Variants in POFUT2 observed in about 807,000 individuals in gnomAD.
POFUT2 encodes the protein protein O-fucosyltransferase 2.
POFUT2 carries 30 observed loss-of-function variants against 55.0 expected under a neutral mutation model. The ratio of observed to expected loss-of-function variants is 0.55; its 90% CI spans 0.41 to 0.74. The LOEUF (loss-of-function observed/expected upper bound fraction) is 0.74. Among genes scored for constraint, POFUT2 ranks in the 30% least tolerant of loss-of-function variants. POFUT2 has a pLI of 0.00. For missense variants in POFUT2, 524 were observed against 562.6 expected, an observed-to-expected ratio of 0.93 and a Z score of 0.69; for synonymous variants, 267 against 231.1, an observed-to-expected ratio of 1.16 and a Z score of -1.41.
rs542209930 is a variant in POFUT2 at position 45,267,770 on chromosome 21, G to A, written c.1013-57C>T. 44 of 1,499,208 alleles carry A rather than the reference G, an allele frequency of 2.9e-5. No homozygotes were observed. Among genetic ancestry groups the A allele is most frequent in the Middle Eastern group, 1.7e-4 (1 of 5,738 alleles). 92.9% of individuals were successfully genotyped at this position (1,499,208 alleles called of 1,614,324 possible). A position where few individuals can be genotyped will look rare whatever the true frequency, so the allele number is the denominator to read the frequency against. ...GGGATCCTCCAGTAAGGACAGATAC[G>A]TGACTCTTTAGCAGACAGACATGCG... is the stretch of plus-strand genomic sequence containing the variant. On this transcript the variant is annotated intron_variant, in intron 7 of 8. Coordinates refer to ENST00000349485, the MANE Select transcript of POFUT2 (RefSeq NM_133635.6). The surrounding 1 kb of genome is among the most constrained non-coding windows in gnomAD (Gnocchi z 4.4).
Position 45,278,115 on chromosome 21 carries a change from T to C in POFUT2, c.693A>G (p.Lys231=). 1 of 1,613,492 alleles carries C rather than the reference T, an allele frequency of 6.2e-7. No homozygotes were observed. The highest frequency in any genetic ancestry group is 8.5e-7 in the Non-Finnish European group (1 of 1,179,364). The change falls in exon 5 of 9, where the codon AAA becomes AAG. Residue 231 remains lysine (K), a synonymous_variant. Coordinates refer to ENST00000349485, the MANE Select transcript of POFUT2 (RefSeq NM_133635.6). ...AGGAAACACTCACATCCCAGTATTC[T>C]TTCCCTCCATAGTGGTCGTGAAGTA... The part of the protein sequence containing the change: ...ENLLHDHYGG[K]EYWDTRRSMV...
chr21:45,284,452 C>T lies in POFUT2; in HGVS notation c.383-925G>A, dbSNP rs1329151151. Among the ~76,000 whole-genome samples the T allele has an allele frequency of 2.6e-5, 4 of 152,182 alleles. No individual in the cohort carries two copies. The highest frequency in any genetic ancestry group is 2.0e-4 in the Admixed American group (3 of 15,288). ...CGTGTGCAGTCTCTTGGCAGCCTCG[C>T]CCTAGGACAGGCACCCAGTTCCTTC... On this transcript the variant is annotated intron_variant, in intron 2 of 8. Transcript: ENST00000349485. The surrounding 1 kb of genome is among the most constrained non-coding windows in gnomAD (Gnocchi z 5.8).
At chr21:45,280,289 TTTTC>T (rs989953734) in intron 4 of POFUT2, among the ~76,000 whole-genome samples, 16 of 152,154 alleles carry the variant, frequency 1.1e-4, no homozygotes, top group Non-Finnish European at 2.2e-4. Flanking sequence ...ACATTTATCT[TTTTC>T]TTTTTTTTTA....
Position 45,285,101 on chromosome 21 carries a change from T to A in POFUT2, c.382+577A>T, listed in dbSNP as rs939519494. On this transcript the variant is annotated intron_variant, in intron 2 of 8. Coordinates refer to ENST00000349485, the MANE Select transcript of POFUT2 (RefSeq NM_133635.6). The surrounding 1 kb of genome is among the most constrained non-coding windows in gnomAD (Gnocchi z 4.9). ...AGGAGCCTGACTCAAAACTAACTCA[T>A]TCGTCTTCAAGGCCTCTCAAGTGCA... Among the ~76,000 whole-genome samples the A allele has an allele frequency of 3.3e-5, 5 of 152,176 alleles. No homozygotes were observed. Among genetic ancestry groups the A allele is most frequent in the Non-Finnish European group, 4.4e-5 (3 of 68,030 alleles).
chr21:45,265,901 T>C lies in POFUT2; in HGVS notation c.1137-266A>G. 2 of 1,322,062 alleles carry C rather than the reference T, an allele frequency of 1.5e-6. No homozygotes were observed. The highest frequency in any genetic ancestry group is 9.7e-7 in the Non-Finnish European group (1 of 1,027,072). 81.9% of individuals were successfully genotyped at this position (1,322,062 alleles called of 1,614,324 possible). On this transcript the variant is annotated intron_variant, in intron 8 of 8. Coordinates refer to ENST00000349485, the MANE Select transcript of POFUT2 (RefSeq NM_133635.6). This position sits in a 1 kb window ranked among gnomAD's most constrained non-coding sequence, Gnocchi z 4.6. ...ACAGTCAGCAGCCGCCACGCTCCTG[T>C]CCCACCGCATGTCCCCCTGGGAGCC...
Position 45,277,188 on chromosome 21 carries a change from C to T in POFUT2, c.706-46G>A, listed in dbSNP as rs1427263302. ...CGGCTGAGAACACGCCCGCCCGCCA[C>T]GCAGCCCTCCCGGAGCGGGTTCTCC... On this transcript the variant is annotated intron_variant, in intron 5 of 8. Coordinates refer to ENST00000349485, the MANE Select transcript of POFUT2 (RefSeq NM_133635.6). The surrounding 1 kb of genome is among the most constrained non-coding windows in gnomAD (Gnocchi z 6.9). The T allele has an allele frequency of 1.2e-5, 19 of 1,595,792 alleles. No homozygotes were observed. Among genetic ancestry groups the T allele is most frequent in the South Asian group, 3.3e-5 (3 of 90,340 alleles).
chr21:45,273,382 C>T (rs2093235664), intron 6 of POFUT2, among the ~76,000 whole-genome samples: 1 of 152,064 alleles, frequency 6.6e-6, no homozygotes. Context: ...GAGATTGAGA[C>T]AGTAATTTAA....
In POFUT2 at chr21:45,287,774, G is replaced by C; in HGVS notation, c.98C>G (p.Ala33Gly). 1 of 1,504,048 alleles carries C rather than the reference G, an allele frequency of 6.6e-7. No homozygotes were observed. Among genetic ancestry groups the C allele is most frequent in the South Asian group, 1.3e-5 (1 of 79,900 alleles). The allele number at this position is 1,504,048 out of a possible 1,614,324, so 93.2% of individuals were successfully genotyped here. The change falls in exon 1 of 9, where the codon GCC (alanine) becomes GGC (glycine). Residue 33 changes from alanine (A) to glycine (G), a missense_variant. By Grantham distance (60) the Ala-to-Gly change is moderately conservative (BLOSUM62 0). Coordinates refer to ENST00000349485, the MANE Select transcript of POFUT2 (RefSeq NM_133635.6). ...GGAAGCCGCCCCCGACAGAATATCGGCCGCCGATTGTCCGGGCCAGAACTC... is the reference window on the plus strand; with the variant it reads ...GGAAGCCGCCCCCGACAGAATATCGCCCGCCGATTGTCCGGGCCAGAACTC... ...GQEFWPGQSA[A>G]DILSGAASRR...
chr21:45,266,368 A>C, intron 8 of POFUT2: 1 of 1,271,418 alleles, frequency 7.9e-7, no homozygotes, highest in Admixed American at 2.3e-5. Context: ...GACCCTCACC[A>C]CCCCACACAC....
In POFUT2 at chr21:45,265,360, C is replaced by T. The variant is rs1301752454; in HGVS notation, c.*122G>A. The T allele has an allele frequency of 1.0e-5, 9 of 863,390 alleles. No individual in the cohort carries two copies. Among genetic ancestry groups the T allele is most frequent in the Non-Finnish European group, 1.2e-5 (7 of 563,172 alleles). The allele number at this position is 863,390 out of a possible 1,614,324, so 53.5% of individuals were successfully genotyped here. On this transcript the variant is annotated 3_prime_UTR_variant, in exon 9 of 9. Coordinates refer to ENST00000349485, the MANE Select transcript of POFUT2 (RefSeq NM_133635.6). The surrounding 1 kb of genome is among the most constrained non-coding windows in gnomAD (Gnocchi z 4.6). ...CGTGGGGCCTCTTCTGGGCCTGGGA[C>T]CCTGCGAGGGACGGTCCTGTCCGCC...
chr21:45,269,751 TC>T, intron 7 of POFUT2, 87 bp downstream of exon 7: 2 of 1,288,776 alleles, frequency 1.6e-6, no homozygotes, highest in Non-Finnish European at 1.1e-6. Context: ...CCTGCCAAAA[TC>T]CCCGTCTGTG....
rs1232289680 is a variant in POFUT2, at chr21:45,282,921, C to T, written c.527+462G>A. 1 of 473,758 alleles carries T rather than the reference C, an allele frequency of 2.1e-6. No homozygotes were observed. The highest frequency in any genetic ancestry group is 1.5e-5 in the South Asian group (1 of 64,598). 29.3% of individuals were successfully genotyped at this position (473,758 alleles called of 1,614,324 possible). A position where few individuals can be genotyped will look rare whatever the true frequency, so the allele number is the denominator to read the frequency against. ...CTTTAATGGCAATCGACACTTGGGA[C>T]TGACAAGACCTCCATCCCTGTGGCA... On this transcript the variant is annotated intron_variant, in intron 3 of 8. Transcript: ENST00000349485. This position sits in a 1 kb window ranked among gnomAD's most constrained non-coding sequence, Gnocchi z 4.6.
chr21:45,264,211 C>G lies in POFUT2; in HGVS notation c.*1271G>C, dbSNP rs1168040608. On this transcript the variant is annotated 3_prime_UTR_variant, in exon 9 of 9. Transcript: ENST00000349485. ...GCTCCGAAAGGAAGAGCTGTCTGTCCCTCCTAACTGTCCTCTCTCTGTCAC... is the reference window on the plus strand; with the variant it reads ...GCTCCGAAAGGAAGAGCTGTCTGTCGCTCCTAACTGTCCTCTCTCTGTCAC... The G allele has an allele frequency of 8.5e-6, 1 of 117,040 alleles. No individual in the cohort carries two copies. The highest frequency in any genetic ancestry group is 1.7e-5 in the Non-Finnish European group (1 of 58,930). The allele number at this position is 117,040 out of a possible 1,614,324, so 7.3% of individuals were successfully genotyped here.
In POFUT2 at chr21:45,265,619, A is replaced by C. The variant is rs766870946; in HGVS notation, c.1153T>G (p.Ser385Ala). ...ATCCGAAAAGAAAATGTTGAGACTG[A>C]GGTGCCAATAAAAAACCTGCAAAGG... ...CAHARFFIGT[S>A]VSTFSFRIHE... is the part of the protein sequence containing the mutation. Residue 385 changes from serine (S) to alanine (A), a missense_variant, in exon 9 of 9, where the codon TCA becomes GCA. By Grantham distance (99) the Ser-to-Ala change is moderately conservative. Around this residue, in one of 2 missense-constraint regions of POFUT2, gnomAD observed 250 missense variants for 318.2 expected, o/e 0.79. Coordinates refer to ENST00000349485, the MANE Select transcript of POFUT2 (RefSeq NM_133635.6). The surrounding 1 kb of genome is among the most constrained non-coding windows in gnomAD (Gnocchi z 4.6). 3.7e-6 allele frequency: 6 copies of C among 1,613,038 alleles called. No homozygotes were observed. Among genetic ancestry groups the C allele is most frequent in the Non-Finnish European group, 5.1e-6 (6 of 1,179,604 alleles).
rs760615334 is a variant in POFUT2 at position 45,278,092 on chromosome 21, G to GA, written c.705+10dup. On this transcript the variant is annotated intron_variant, in intron 5 of 8. Transcript: ENST00000349485. ...ACTAACTGAGAAAAACGCTCCCGAG[G>GA]AAACACTCACATCCCAGTATTCTTT... 13 of 1,610,290 alleles carry GA rather than the reference G, an allele frequency of 8.1e-6. No homozygotes were observed. The highest frequency in any genetic ancestry group is 1.1e-5 in the Non-Finnish European group (13 of 1,176,622).
chr21:45,277,778 A>G lies in POFUT2; in HGVS notation c.705+325T>C, dbSNP rs951630918. 3 of 384,522 alleles carry G rather than the reference A, an allele frequency of 7.8e-6. No individual in the cohort carries two copies. The highest frequency in any genetic ancestry group is 1.4e-5 in the Non-Finnish European group (3 of 210,224). 23.8% of individuals were successfully genotyped at this position (384,522 alleles called of 1,614,324 possible). A position where few individuals can be genotyped will look rare whatever the true frequency, so the allele number is the denominator to read the frequency against. ...GAATAGTCCCACCTTTCAAAGCTAA[A>G]GAGAGGAGAAAGGAGGGGTCTACGT... is the stretch of plus-strand genomic sequence containing the variant. On this transcript the variant is annotated intron_variant, in intron 5 of 8. Coordinates refer to ENST00000349485, the MANE Select transcript of POFUT2 (RefSeq NM_133635.6). The surrounding 1 kb of genome is among the most constrained non-coding windows in gnomAD (Gnocchi z 6.9).
rs575671119 is a variant in POFUT2 at position 45,277,462 on chromosome 21, C to G, written c.706-320G>C. The G allele has an allele frequency of 5.6e-6, 2 of 356,532 alleles. No individual in the cohort carries two copies. The highest frequency in any genetic ancestry group is 4.2e-5 in the African/African-American group (2 of 47,948). 22.1% of individuals were successfully genotyped at this position (356,532 alleles called of 1,614,324 possible). On this transcript the variant is annotated intron_variant, in intron 5 of 8. Transcript: ENST00000349485. The surrounding 1 kb of genome is among the most constrained non-coding windows in gnomAD (Gnocchi z 6.9). ...CTGTGTGCAGCTCCTTCCCCTCAGT[C>G]TCTCCCCAACTCGACTTCTAGCTTA...
Position 45,266,981 on chromosome 21 carries a change from G to A in POFUT2, c.1136+609C>T, listed in dbSNP as rs1017026902. 1.9e-5 allele frequency: 20 copies of A among 1,030,668 alleles called. 1 individual carries two copies. Among genetic ancestry groups the A allele is most frequent in the Non-Finnish European group, 2.2e-5 (19 of 857,758 alleles). 63.8% of individuals were successfully genotyped at this position (1,030,668 alleles called of 1,614,324 possible). On this transcript the variant is annotated intron_variant, in intron 8 of 8. Transcript: ENST00000349485. The stretch of plus-strand genomic sequence containing the variant: ...GCGTACCTCCCACAGCAACCCCAGA[G>A]GAATGACTGCACGCAGGGCCCACGC...
In POFUT2 at chr21:45,283,496, G is replaced by A. The variant is rs771284385; in HGVS notation, c.414C>T (p.Tyr138=). 46 of 1,613,730 alleles carry A rather than the reference G, an allele frequency of 2.9e-5. No individual in the cohort carries two copies. In the Admixed American group the frequency reaches 5.0e-4, roughly 18 times the overall value. Residue 138 remains tyrosine, a synonymous_variant, in exon 3 of 9, where the codon TAC becomes TAT. Transcript: ENST00000349485. Reference sequence around the variant, plus strand: ...ACCCCTCTGCGTAACTTTGCAGGACGTAAACCTGGTCAATAAAGGGCCCAC... The same window carrying A: ...ACCCCTCTGCGTAACTTTGCAGGACATAAACCTGGTCAATAAAGGGCCCAC... ...ESGGPFIDQV[Y]VLQSYAEGWK... is the part of the protein sequence containing the mutation.
Sources: gnomAD v4.1 joint callset for allele counts (sites outside exome capture counted in the v4.1 genomes callset) on GRCh38, gnomAD v4.1.1 for gene constraint, gnomAD v4.1.1 regional missense constraint, Gnocchi (gnomAD v3.1) non-coding constraint, MANE v1.5 for transcripts, NCBI Gene and HGNC (gene_info 2026-07-23, HGNC 2026-07-21) for gene names.